CENPI: variants seen among roughly 807,000 people sequenced by gnomAD.
CENPI encodes centromere protein I.
A neutral mutation model predicts 60.4 loss-of-function variants in CENPI; 4 were observed. The ratio of observed to expected loss-of-function variants is 0.07; its 90% confidence interval spans 0.03 to 0.15. The LOEUF (loss-of-function observed/expected upper bound fraction) is 0.15, where lower values mean the gene tolerates loss of function less well. Among genes scored for constraint, CENPI ranks in the 10% least tolerant of loss-of-function variants. The pLI is 1.00. For missense variants in CENPI, 444 were observed against 534.5 expected (o/e 0.83, Z 1.67); for synonymous variants, 157 against 189.4 (o/e 0.83, Z 1.40).
At chrX:101,108,052 G>A (rs1258429132) in intron 4 of CENPI, among the ~76,000 whole-genome samples, 1 of 109,729 alleles carries the variant, frequency 9.1e-6, no homozygotes, top group African/African-American at 3.3e-5. Context: ...ACTGTGCCCG[G>A]CAAAATTCAT....
the CENPI span, among the ~76,000 whole-genome samples, chrX:101,180,204 G>T: frequency 9.0e-6 from 1 of 110,980 alleles, no homozygotes; most frequent in Non-Finnish European, 1.9e-5. Flanking sequence ...TGGCATGATC[G>T]TGGCTCACTG....
Position 101,164,273 on chromosome X carries a change from A to G in CENPI, c.*1306A>G, listed in dbSNP as rs2090134361. ...TTTATTGAGCTCCTTTCTCTGTGCC[A>G]GGTACTCTTCTGTGTGCTGGTTATA... On this transcript the variant is annotated 3_prime_UTR_variant, in exon 22 of 22. Transcript: ENST00000682095. Among the ~76,000 whole-genome samples, 1 of 111,332 alleles carries G rather than the reference A, an allele frequency of 9.0e-6. No individual in the cohort carries two copies. Among genetic ancestry groups the G allele is most frequent in the Admixed American group, 9.7e-5 (1 of 10,339 alleles).
chrX:101,112,156 C>T (rs2148151328), intron 6 of CENPI, among the ~76,000 whole-genome samples: 1 of 112,345 alleles, frequency 8.9e-6, no homozygotes, highest in African/African-American at 3.2e-5. Flanking sequence ...TATCTGTTGC[C>T]AGTGATAGAA....
chrX:101,135,481 G>A (rs772456982), intron 15 of CENPI, among the ~76,000 whole-genome samples: 2 of 112,042 alleles, frequency 1.8e-5, no homozygotes, highest in East Asian at 2.8e-4. Context: ...ATAATGGTTT[G>A]GAAATAGGGT....
intron 18 of CENPI, among the ~76,000 whole-genome samples, chrX:101,147,212 G>T (rs1307790062): frequency 9.0e-6 from 1 of 110,835 alleles, no homozygotes; most frequent in Non-Finnish European, 1.9e-5. Flanking sequence ...TTGAGCCTCT[G>T]TTAATTTTTT....
At chrX:101,180,163 G>C in the CENPI span, among the ~76,000 whole-genome samples, 1 of 110,975 alleles carries the variant, frequency 9.0e-6, no homozygotes, top group Admixed American at 9.6e-5. Flanking sequence ...TTGAGACAGG[G>C]TCTTGCTCCA....
chrX:101,150,259 C>T (rs1045435394), intron 20 of CENPI, among the ~76,000 whole-genome samples: 1 of 106,224 alleles, frequency 9.4e-6, no homozygotes, highest in East Asian at 2.9e-4. Context: ...GTCTTTTTCC[C>T]CCTGCACTAA....
chrX:101,144,504 G>A (rs746474591), intron 16 of CENPI, among the ~76,000 whole-genome samples: 3 of 108,255 alleles, frequency 2.8e-5, no homozygotes, highest in Admixed American at 1.0e-4. Flanking sequence ...CCACCTCAGC[G>A]TCTTGAGTAG....
the CENPI span, among the ~76,000 whole-genome samples, chrX:101,173,163 G>A: frequency 9.5e-6 from 1 of 105,605 alleles, no homozygotes; most frequent in African/African-American, 3.5e-5. Flanking sequence ...CTACAGGCGT[G>A]CTCCACCATG....
chrX:101,135,442 G>T (rs2089837157), intron 15 of CENPI, among the ~76,000 whole-genome samples: 1 of 111,677 alleles, frequency 9.0e-6, no homozygotes, highest in African/African-American at 3.3e-5. Context: ...GAACAAAGGA[G>T]AAAGGGTTTT....
chrX:101,120,505 G>T, intron 7 of CENPI, 55 bp downstream of exon 7: 1 of 673,645 alleles, frequency 1.5e-6, no homozygotes, highest in Middle Eastern at 3.2e-4. Flanking sequence ...ATTTGTATTG[G>T]CCTTTATAAA....
chrX:101,138,943 CTTTT>C (rs757166491), intron 15 of CENPI, among the ~76,000 whole-genome samples: 2 of 90,716 alleles, frequency 2.2e-5, no homozygotes, highest in African/African-American at 7.9e-5. Flanking sequence ...TTGTTTTCTA[CTTTT>C]TTTTTTTTTT....
chrX:101,144,332 C>T (rs1277875524), intron 16 of CENPI, among the ~76,000 whole-genome samples: 2 of 108,951 alleles, frequency 1.8e-5, no homozygotes, highest in African/African-American at 6.7e-5. Context: ...ATCCGACTGC[C>T]TTGGCCTCCC....
In CENPI at chrX:101,163,054, A is replaced by C; in HGVS notation, c.*87A>C. 1.0e-6 allele frequency: 1 copy of C among 974,992 alleles called. No individual in the cohort carries two copies. Among genetic ancestry groups the C allele is most frequent in the East Asian group, 3.2e-5 (1 of 31,646 alleles). The allele number at this position is 974,992 out of a possible 1,213,427, so 80.4% of individuals were successfully genotyped here. On this transcript the variant is annotated 3_prime_UTR_variant, in exon 22 of 22. Transcript: ENST00000682095. ...TGGCTCATCTTGAGTTCCCATTTTC[A>C]TTTCACTGACAGACTGCCATCCTCA... is the stretch of plus-strand genomic sequence containing the variant.
At position 101,160,704 on chromosome X, in the gene CENPI, T is replaced by C. The variant is rs751650124; in HGVS notation, c.2095-824T>C. ...TGCCCAGCCTAGCTTTTAGTTCCTT[T>C]AAGAAATGCATTGTGTATTTCCAAT... is the stretch of plus-strand genomic sequence containing the variant. On this transcript the variant is annotated intron_variant, in intron 20 of 21. Coordinates refer to ENST00000682095, the MANE Select transcript of CENPI (RefSeq NM_001386188.2). Among the ~76,000 whole-genome samples the C allele has an allele frequency of 2.7e-5, 3 of 111,349 alleles. No individual in the cohort carries two copies. In the East Asian group the frequency reaches 8.5e-4, roughly 31 times the overall value.
the CENPI span, among the ~76,000 whole-genome samples, chrX:101,178,398 CTTTTTTTTTTTTT>C: frequency 1.8e-4 from 7 of 39,983 alleles, no homozygotes; most frequent in Admixed American, 6.8e-4. Context: ...TTTTCTTCTT[CTTTTTTTTTTTTT>C]TTTTTTTTTT....
At chrX:101,176,697 G>A in the CENPI span, among the ~76,000 whole-genome samples, 2 of 112,470 alleles carry the variant, frequency 1.8e-5, no homozygotes, top group Non-Finnish European at 3.8e-5. Context: ...TGAATCATTT[G>A]CACATATTTT....
At chrX:101,133,171 G>A (rs1245365319) in intron 15 of CENPI, among the ~76,000 whole-genome samples, 9 of 110,409 alleles carry the variant, frequency 8.2e-5, no homozygotes, top group Non-Finnish European at 1.7e-4. Flanking sequence ...TAATTGAATG[G>A]CACTTGATTA....
chrX:101,137,143 C>G (rs1197845792), intron 15 of CENPI, among the ~76,000 whole-genome samples: 1 of 111,899 alleles, frequency 8.9e-6, no homozygotes, highest in Non-Finnish European at 1.9e-5. Flanking sequence ...GAACTTCTGG[C>G]TTCAAATGAT....
Sources: allele counts gnomAD v4.1 joint callset (sites outside exome capture counted in the v4.1 genomes callset), GRCh38; gene constraint gnomAD v4.1.1; transcripts MANE v1.5; gene names NCBI Gene and HGNC (gene_info 2026-07-23, HGNC 2026-07-21).